Variants in TMEM135 observed in about 807,000 individuals in gnomAD.
TMEM135 encodes the protein transmembrane protein 135.
Under a neutral mutation model 60.3 loss-of-function variants are expected in TMEM135, and 30 were observed. That is an observed-to-expected ratio of 0.50 (90% CI 0.37 to 0.68). The LOEUF (loss-of-function observed/expected upper bound fraction) is 0.68. Among genes scored for constraint, TMEM135 ranks in the 30% least tolerant of loss-of-function variants. TMEM135 has a pLI of 0.00. For synonymous variants in TMEM135, 190 were observed against 186.7 expected (o/e 1.02, Z -0.14); for missense variants, 468 against 548.8 (o/e 0.85, Z 1.47).
chr11:87,285,762 AGCTT>A (rs1163859552), intron 6 of TMEM135, among the ~76,000 whole-genome samples: 3 of 152,246 alleles, frequency 2.0e-5, no homozygotes, highest in Non-Finnish European at 4.4e-5. Context: ...TGACTCTGGC[AGCTT>A]GCTTTTTTCC....
At chr11:87,289,721 G>T (rs1236255535) in intron 6 of TMEM135, among the ~76,000 whole-genome samples, 1 of 152,046 alleles carries the variant, frequency 6.6e-6, no homozygotes, top group East Asian at 1.9e-4. Context: ...TTCCCAAAGT[G>T]CTGGGATTAC....
intron 1 of TMEM135, among the ~76,000 whole-genome samples, chr11:87,063,372 A>G (rs1949967676): frequency 6.6e-6 from 1 of 152,200 alleles, no homozygotes; most frequent in African/African-American, 2.4e-5. Context: ...AAATTAATGA[A>G]TGTGGAATTA....
intron 5 of TMEM135, among the ~76,000 whole-genome samples, chr11:87,218,681 G>A (rs767381348): frequency 7.2e-5 from 11 of 152,138 alleles, no homozygotes; most frequent in Non-Finnish European, 1.3e-4. Context: ...TGTGCTGTAG[G>A]CTGGGCGCGG....
At position 87,058,543 on chromosome 11, in the gene TMEM135, C is replaced by G. The variant is rs370819870; in HGVS notation, c.142-9151C>G. On this transcript the variant is annotated intron_variant, in intron 1 of 14. Coordinates refer to ENST00000305494, the MANE Select transcript of TMEM135 (RefSeq NM_022918.4). ...ACTGGGTTTCGCTATGTTGGCCAGA[C>G]TGGTCTTGAACTTCTGGTCTCAAGT... is the stretch of plus-strand genomic sequence containing the variant. Among the ~76,000 whole-genome samples the G allele has an allele frequency of 2.6e-5, 4 of 152,216 alleles. No individual in the cohort carries two copies. In the East Asian group the frequency reaches 7.7e-4, roughly 29 times the overall value.
chr11:87,211,152 G>A (rs528412058), intron 5 of TMEM135, among the ~76,000 whole-genome samples: 1 of 152,078 alleles, frequency 6.6e-6, no homozygotes, highest in African/African-American at 2.4e-5. Context: ...TTAAAACTGA[G>A]GCCTCTGAGA....
intron 4 of TMEM135, among the ~76,000 whole-genome samples, chr11:87,129,105 T>A (rs1937824359): frequency 6.6e-6 from 1 of 151,808 alleles, no homozygotes; most frequent in Non-Finnish European, 1.5e-5. Context: ...TTAAAACCTC[T>A]ACTTTGCTCG....
intron 5 of TMEM135, among the ~76,000 whole-genome samples, chr11:87,222,517 T>A (rs1269005504): frequency 2.1e-5 from 3 of 145,300 alleles, no homozygotes; most frequent in African/African-American, 7.6e-5. Context: ...AAAAAATAAT[T>A]ACTGGGCCGA....
chr11:87,198,071 G>A (rs1940000919), intron 5 of TMEM135, among the ~76,000 whole-genome samples: 1 of 151,984 alleles, frequency 6.6e-6, no homozygotes, highest in African/African-American at 2.4e-5. Context: ...TCATTTTTAT[G>A]TGTTGGTGTC....
intron 5 of TMEM135, among the ~76,000 whole-genome samples, chr11:87,163,258 A>G (rs1182783635): frequency 8.7e-5 from 12 of 138,400 alleles, no homozygotes; most frequent in Middle Eastern, 3.7e-3. Context: ...TCATTGTTCA[A>G]TTCCCACCTA....
chr11:87,226,729 T>C (rs982052251), intron 5 of TMEM135, among the ~76,000 whole-genome samples: 7 of 152,144 alleles, frequency 4.6e-5, no homozygotes, highest in Non-Finnish European at 7.4e-5. Context: ...CAGACTCTGT[T>C]TAGTGGCCTT....
intron 12 of TMEM135, among the ~76,000 whole-genome samples, chr11:87,316,319 A>T (rs556799008): frequency 3.0e-4 from 45 of 151,436 alleles, no homozygotes; most frequent in African/African-American, 8.7e-4. Flanking sequence ...AGAAAGAGAG[A>T]GAGATTGAGA....
At chr11:87,053,749 T>G (rs1949864865) in intron 1 of TMEM135, among the ~76,000 whole-genome samples, 1 of 152,184 alleles carries the variant, frequency 6.6e-6, no homozygotes, top group Non-Finnish European at 1.5e-5. Flanking sequence ...TATTCTTCCA[T>G]TATCGTAATA....
At chr11:87,270,216 T>A (rs1941837144) in intron 6 of TMEM135, among the ~76,000 whole-genome samples, 2 of 150,652 alleles carry the variant, frequency 1.3e-5, no homozygotes, top group South Asian at 4.2e-4. Context: ...TGTAAATTTG[T>A]TTGAGTTCAT....
intron 3 of TMEM135, among the ~76,000 whole-genome samples, chr11:87,084,819 G>A (rs1857062318): frequency 6.6e-6 from 1 of 152,178 alleles, no homozygotes; most frequent in Non-Finnish European, 1.5e-5. Flanking sequence ...TGGGAGTATA[G>A]GATATGGGTA....
Position 87,217,642 on chromosome 11 carries a change from C to T in TMEM135, c.463-18996C>T, listed in dbSNP as rs144370867. Among the ~76,000 whole-genome samples, 108 of 151,938 alleles carry T rather than the reference C, an allele frequency of 7.1e-4. 1 individual carries two copies. In the East Asian group the frequency reaches 0.018, roughly 26 times the overall value. ...CTCTGCTAAATATGCAAAGTTAGTT[C>T]GGCGTGGCGGCTCATGCCTGTAATC... On this transcript the variant is annotated intron_variant, in intron 5 of 14. Coordinates refer to ENST00000305494, the MANE Select transcript of TMEM135 (RefSeq NM_022918.4).
intron 5 of TMEM135, among the ~76,000 whole-genome samples, chr11:87,215,154 T>A (rs893421933): frequency 3.9e-5 from 6 of 152,318 alleles, no homozygotes; most frequent in African/African-American, 1.4e-4. Context: ...TAACTATTAC[T>A]AATATGAAAT....
chr11:87,246,284 A>G (rs916162005), intron 6 of TMEM135, among the ~76,000 whole-genome samples: 17 of 149,374 alleles, frequency 1.1e-4, no homozygotes, highest in Non-Finnish European at 2.4e-4. Flanking sequence ...TGCCCTTAAC[A>G]TTTTTTCCTT....
chr11:87,065,703 G>A (rs1856638272), intron 1 of TMEM135, among the ~76,000 whole-genome samples: 1 of 152,156 alleles, frequency 6.6e-6, no homozygotes, highest in African/African-American at 2.4e-5. Flanking sequence ...TCTTTTGTGA[G>A]TTGTGCTTTT....
chr11:87,141,744 A>G (rs1454379331), intron 4 of TMEM135, among the ~76,000 whole-genome samples: 1 of 152,134 alleles, frequency 6.6e-6, no homozygotes. Context: ...AGCAGTGTCT[A>G]CCCTGCAGAC....
Sources: gnomAD v4.1 joint callset for allele counts (sites outside exome capture counted in the v4.1 genomes callset) on GRCh38, gnomAD v4.1.1 for gene constraint, MANE v1.5 for transcripts, NCBI Gene and HGNC (gene_info 2026-07-23, HGNC 2026-07-21) for gene names.